Variants in OSBPL5 observed in about 807,000 individuals in gnomAD.
The protein encoded by OSBPL5 is oxysterol binding protein like 5, also known as oxysterol-binding protein-related protein 5.
OSBPL5 carries 71 observed loss-of-function variants against 111.2 expected under a neutral mutation model. The ratio of observed to expected loss-of-function variants is 0.64; its 90% CI spans 0.53 to 0.78. OSBPL5 has a LOEUF of 0.78. OSBPL5 is among the 30% of genes least tolerant of loss of function. OSBPL5 has a pLI of 0.00. For synonymous variants in OSBPL5, 549 were observed against 513.9 expected (o/e 1.07, Z -0.93); for missense variants, 1,210 against 1,189.3 (o/e 1.02, Z -0.26).
In OSBPL5 at chr11:3,110,410, C is replaced by T. The variant is rs1339225147; in HGVS notation, c.692-2465G>A. On this transcript the variant is annotated intron_variant, in intron 7 of 21. Transcript: ENST00000263650. The surrounding 1 kb of genome is among the most constrained non-coding windows in gnomAD (Gnocchi z 5.3). Reference sequence around the variant, plus strand: ...TCGCAGTCACAGCTGCCTGAGCGGCCACTCAGGGAACAGCAACAGCGTGCA... The same window carrying T: ...TCGCAGTCACAGCTGCCTGAGCGGCTACTCAGGGAACAGCAACAGCGTGCA... Among the ~76,000 whole-genome samples, 1 of 152,236 alleles carries T rather than the reference C, an allele frequency of 6.6e-6. No individual in the cohort carries two copies. Among genetic ancestry groups the T allele is most frequent in the Non-Finnish European group, 1.5e-5 (1 of 68,042 alleles).
intron 1 of OSBPL5, among the ~76,000 whole-genome samples, chr11:3,147,123 C>T (rs1329276548): frequency 5.5e-5 from 8 of 146,360 alleles, no homozygotes; most frequent in Admixed American, 1.4e-4. Flanking sequence ...TGACTCACCC[C>T]GTCTCAAGAG....
Position 3,135,519 on chromosome 11 carries a change from C to T in OSBPL5, c.-21-6350G>A, listed in dbSNP as rs374431378. ...CCCAGGCAGGCAGGGATGGGTGCCC[C>T]TTCCAGGTCCTCTCCTGAGACCCCA... On this transcript the variant is annotated intron_variant, in intron 1 of 21. Coordinates refer to ENST00000263650, the MANE Select transcript of OSBPL5 (RefSeq NM_020896.4). Among the ~76,000 whole-genome samples the T allele has an allele frequency of 7.9e-4, 121 of 152,318 alleles. 1 individual carries two copies. The East Asian group carries it at 0.02, about 25-fold the overall frequency.
chr11:3,098,123 T>G (rs1380470021), intron 14 of OSBPL5, among the ~76,000 whole-genome samples: 7 of 150,968 alleles, frequency 4.6e-5, no homozygotes, highest in African/African-American at 1.5e-4. Flanking sequence ...AGGTTTGAAA[T>G]GAAACCAAGT....
At position 3,154,150 on chromosome 11, in the gene OSBPL5, A is replaced by G. The variant is rs1446753271; in HGVS notation, c.-22+11066T>C. On this transcript the variant is annotated intron_variant, in intron 1 of 21. Coordinates refer to ENST00000263650, the MANE Select transcript of OSBPL5 (RefSeq NM_020896.4). This position sits in a 1 kb window ranked among gnomAD's most constrained non-coding sequence, Gnocchi z 4.9. The stretch of plus-strand genomic sequence containing the variant: ...CGTGTGGTGTCCAGAGAGCTGCTGT[A>G]GGAGGTGTTTGCTAGACTGGGCCAG... 6.6e-6 allele frequency among the ~76,000 whole-genome samples: 1 copy of G among 152,234 alleles called. No homozygotes were observed. Among genetic ancestry groups the G allele is most frequent in the East Asian group, 1.9e-4 (1 of 5,190 alleles).
rs750208785 is a variant in OSBPL5, at chr11:3,089,962, G to T, written c.2399-14C>A. ...GGCTCTCACCGCCTGGGACGGCCCCGAGTGAGACAAAGGAGGGGAGGGGAG... is the reference window on the plus strand; with the variant it reads ...GGCTCTCACCGCCTGGGACGGCCCCTAGTGAGACAAAGGAGGGGAGGGGAG... On this transcript the variant is annotated splice_polypyrimidine_tract_variant and intron_variant, in intron 20 of 21. Coordinates refer to ENST00000263650, the MANE Select transcript of OSBPL5 (RefSeq NM_020896.4). 2.0e-6 allele frequency: 3 copies of T among 1,519,380 alleles called. No individual in the cohort carries two copies. The highest frequency in any genetic ancestry group is 2.7e-6 in the Non-Finnish European group (3 of 1,129,612). 94.1% of individuals were successfully genotyped at this position (1,519,380 alleles called of 1,614,324 possible).
chr11:3,122,842 G>A (rs905980136), intron 3 of OSBPL5, among the ~76,000 whole-genome samples: 1 of 152,216 alleles, frequency 6.6e-6, no homozygotes, highest in Non-Finnish European at 1.5e-5. Flanking sequence ...GGTGCCAGAG[G>A]GTGGAGTTCG....
chr11:3,137,913 T>C (rs188911293), intron 1 of OSBPL5, among the ~76,000 whole-genome samples: 196 of 152,166 alleles, frequency 1.3e-3, no homozygotes, highest in African/African-American at 4.1e-3. Flanking sequence ...AAGCCCCAAA[T>C]CCCCTTTGCA....
chr11:3,097,084 A>AGGAAGGAGGGGGAAGATGGGAGGAGG (rs1857294252), intron 14 of OSBPL5, among the ~76,000 whole-genome samples: 1 of 11,328 alleles, frequency 8.8e-5, no homozygotes, highest in Admixed American at 1.2e-3. Flanking sequence ...GAAGGAGGAG[A>AGGAAGGAGGGGGAAGATGGGAGGAGG]AGAGGAAAGA....
At chr11:3,103,815 C>T (rs1042725365) in intron 10 of OSBPL5, among the ~76,000 whole-genome samples, 2,007 of 34,702 alleles carry the variant, frequency 0.058, 33 homozygotes, top group Non-Finnish European at 0.13. Flanking sequence ...CCTCTTCCTG[C>T]CTGCGCAGCC....
rs886656800 is a variant in OSBPL5, at chr11:3,092,687, A to G, written c.2133-129T>C. Reference sequence around the variant, plus strand: ...GGAGAATGACCACTGCCCACACCCCATGGGCAGGGCCTGCAGTAAGGACTG... The same window carrying G: ...GGAGAATGACCACTGCCCACACCCCGTGGGCAGGGCCTGCAGTAAGGACTG... On this transcript the variant is annotated intron_variant, in intron 18 of 21. Transcript: ENST00000263650. This position sits in a 1 kb window ranked among gnomAD's most constrained non-coding sequence, Gnocchi z 5.4. The G allele has an allele frequency of 1.6e-5, 21 of 1,349,818 alleles. No homozygotes were observed. Among genetic ancestry groups the G allele is most frequent in the Non-Finnish European group, 3.0e-6 (3 of 1,008,576 alleles). The allele number at this position is 1,349,818 out of a possible 1,614,324, so 83.6% of individuals were successfully genotyped here. A position where few individuals can be genotyped will look rare whatever the true frequency, so the allele number is the denominator to read the frequency against.
intron 1 of OSBPL5, among the ~76,000 whole-genome samples, chr11:3,136,821 G>A (rs984976795): frequency 1.3e-5 from 2 of 152,246 alleles, no homozygotes; most frequent in Non-Finnish European, 2.9e-5. Context: ...GGCCACTGGG[G>A]TGCTCCATCA....
At position 3,088,166 on chromosome 11, in the gene OSBPL5, A is replaced by T; in HGVS notation, c.*39T>A. 1 of 1,493,280 alleles carries T rather than the reference A, an allele frequency of 6.7e-7. No homozygotes were observed. The highest frequency in any genetic ancestry group is 9.0e-7 in the Non-Finnish European group (1 of 1,115,624). The allele number at this position is 1,493,280 out of a possible 1,614,324, so 92.5% of individuals were successfully genotyped here. A position where few individuals can be genotyped will look rare whatever the true frequency, so the allele number is the denominator to read the frequency against. ...TTAAAGTGCTGGGTGCCTGGGAGGG[A>T]GGGCTCAGGACCGGCCAGGAGCTCT... On this transcript the variant is annotated 3_prime_UTR_variant, in exon 22 of 22. Transcript: ENST00000263650.
In OSBPL5 at chr11:3,129,157, C is replaced by A; in HGVS notation, c.-9G>T. 7.1e-7 allele frequency: 1 copy of A among 1,413,944 alleles called. No individual in the cohort carries two copies. Among genetic ancestry groups the A allele is most frequent in the Non-Finnish European group, 9.3e-7 (1 of 1,076,594 alleles). The allele number at this position is 1,413,944 out of a possible 1,614,324, so 87.6% of individuals were successfully genotyped here. The stretch of plus-strand genomic sequence containing the variant: ...AAGGCCTCCTCCTTCATGCTGTGGG[C>A]GCTCGGGGGCTTCTGGAAGGAAGGA... On this transcript the variant is annotated 5_prime_UTR_variant, in exon 2 of 22. Coordinates refer to ENST00000263650, the MANE Select transcript of OSBPL5 (RefSeq NM_020896.4).
At chr11:3,103,854 G>GCCCCTTTCCTGCC (rs879566277) in intron 10 of OSBPL5, among the ~76,000 whole-genome samples, 2 of 103,414 alleles carry the variant, frequency 1.9e-5, no homozygotes, top group Non-Finnish European at 4.1e-5. Flanking sequence ...CCCCTTTCCA[G>GCCCCTTTCCTGCC]TCTGCGCAGC....
In OSBPL5 at chr11:3,104,279, G is replaced by A. The variant is rs138582624; in HGVS notation, c.1158C>T (p.Arg386=). The A allele has an allele frequency of 2.7e-5, 44 of 1,613,706 alleles. No homozygotes were observed. The highest frequency in any genetic ancestry group is 2.3e-4 in the Admixed American group (14 of 60,002). Residue 386 remains arginine, a synonymous_variant, in exon 10 of 22, where the codon CGC becomes CGT. Coordinates refer to ENST00000263650, the MANE Select transcript of OSBPL5 (RefSeq NM_020896.4). This position sits in a 1 kb window ranked among gnomAD's most constrained non-coding sequence, Gnocchi z 5.0. ...CCAGTACGAACGTGGGTAGCACCACGCGGGACAGGTCCATGCCTGGCCGTA... is the reference window on the plus strand; with the variant it reads ...CCAGTACGAACGTGGGTAGCACCACACGGGACAGGTCCATGCCTGGCCGTA... ...KQLRPGMDLS[R]VVLPTFVLEP...
chr11:3,093,407 C>T, intron 17 of OSBPL5, 120 bp downstream of exon 17: 1 of 1,443,634 alleles, frequency 6.9e-7, no homozygotes, highest in African/African-American at 1.4e-5. Context: ...TGCACCAGGC[C>T]TGCCCTCCCT....
rs776624835 is a variant in OSBPL5 at position 3,104,186 on chromosome 11, C to T, written c.1244+7G>A. 39 of 1,596,814 alleles carry T rather than the reference C, an allele frequency of 2.4e-5. No individual in the cohort carries two copies. Among genetic ancestry groups the T allele is most frequent in the African/African-American group, 4.0e-5 (3 of 74,654 alleles). ...GTGTGGGGTGCCCCTCCCGGCATGG[C>T]GCGCACCTGGAGAGCAGGTCTGCGT... On this transcript the variant is annotated splice_region_variant and intron_variant, in intron 10 of 21. Transcript: ENST00000263650. This position sits in a 1 kb window ranked among gnomAD's most constrained non-coding sequence, Gnocchi z 5.0.
rs373072543 is a variant in OSBPL5 at position 3,132,274 on chromosome 11, G to C, written c.-21-3105C>G. On this transcript the variant is annotated intron_variant, in intron 1 of 21. Transcript: ENST00000263650. ...TCTGTGTGCCAACAACCCCAGACCAGTGTCCAGTGCCCCGGGCCCTGCAGA... is the reference window on the plus strand; with the variant it reads ...TCTGTGTGCCAACAACCCCAGACCACTGTCCAGTGCCCCGGGCCCTGCAGA... Among the ~76,000 whole-genome samples the C allele has an allele frequency of 5.4e-3, 824 of 152,184 alleles. 10 individuals are homozygous for C. Among genetic ancestry groups the C allele is most frequent in the African/African-American group, 0.019 (769 of 41,508 alleles).
chr11:3,122,902 C>T (rs1303065836), intron 3 of OSBPL5, among the ~76,000 whole-genome samples: 2 of 152,202 alleles, frequency 1.3e-5, no homozygotes, highest in South Asian at 2.1e-4. Context: ...CAAGCACTCA[C>T]GCTGGGTCTC....
Sources: gnomAD v4.1 joint callset for allele counts (sites outside exome capture counted in the v4.1 genomes callset) on GRCh38, gnomAD v4.1.1 for gene constraint, Gnocchi (gnomAD v3.1) non-coding constraint, MANE v1.5 for transcripts, NCBI Gene and HGNC (gene_info 2026-07-23, HGNC 2026-07-21) for gene names.